PPFIBP1: variants seen among roughly 807,000 people sequenced by gnomAD.
PPFIBP1 encodes the protein liprin-beta-1.
Under a neutral mutation model 137.8 loss-of-function variants are expected in PPFIBP1, and 112 were observed. That is an observed-to-expected ratio of 0.81 (90% CI 0.70 to 0.95). PPFIBP1 has a LOEUF of 0.95. PPFIBP1 is among the 40% of genes least tolerant of loss of function. The pLI is 0.00. For synonymous variants in PPFIBP1, 378 were observed against 417.3 expected, an observed-to-expected ratio of 0.91 and a Z score of 1.15; for missense variants, 1,083 against 1,196.6, an observed-to-expected ratio of 0.91 and a Z score of 1.40.
intron 2 of PPFIBP1, among the ~76,000 whole-genome samples, chr12:27,601,027 A>G (rs2053927367): frequency 6.6e-6 from 1 of 152,150 alleles, no homozygotes; most frequent in Admixed American, 6.5e-5. Flanking sequence ...ATTATTATTA[A>G]CTGTCATCAC....
chr12:27,643,468 C>A lies in PPFIBP1; in HGVS notation c.271-2594C>A, dbSNP rs965568717. ...AGGTTCATGTAGATACTGTCGCTGGCATATAGCAAACAGTGAATTCAAGGA... is the reference window on the plus strand; with the variant it reads ...AGGTTCATGTAGATACTGTCGCTGGAATATAGCAAACAGTGAATTCAAGGA... On this transcript the variant is annotated intron_variant, in intron 4 of 29. Transcript: ENST00000228425. 1.3e-4 allele frequency among the ~76,000 whole-genome samples: 18 copies of A among 134,524 alleles called. 1 individual carries two copies. Among genetic ancestry groups the A allele is most frequent in the Non-Finnish European group, 2.4e-4 (15 of 63,486 alleles). 88.3% of individuals were successfully genotyped at this position (134,524 alleles called of 152,430 possible). A position where few individuals can be genotyped will look rare whatever the true frequency, so the allele number is the denominator to read the frequency against.
chr12:27,630,473 C>A (rs1482425661), intron 2 of PPFIBP1, among the ~76,000 whole-genome samples: 1 of 152,112 alleles, frequency 6.6e-6, no homozygotes, highest in Non-Finnish European at 1.5e-5. Context: ...TATGTTATCT[C>A]ATTTTTCATC....
In PPFIBP1 at chr12:27,676,576, G is replaced by GAAC. The variant is rs776802346; in HGVS notation, c.1561_1563dup (p.Thr521dup). The GAAC allele has an allele frequency of 1.3e-6, 2 of 1,593,692 alleles. No individual in the cohort carries two copies. The highest frequency in any genetic ancestry group is 1.7e-6 in the Non-Finnish European group (2 of 1,169,966). On this transcript the variant is annotated inframe_insertion, in exon 18 of 30. Coordinates refer to ENST00000228425, the MANE Select transcript of PPFIBP1 (RefSeq NM_003622.4). ...TTTTTTAAAATCAAAAGTAACAAGA[G>GAAC]AACAGCAAGTGCACCAAACTTAGGT...
intron 1 of PPFIBP1, among the ~76,000 whole-genome samples, chr12:27,574,563 T>A (rs1272036386): frequency 6.6e-6 from 1 of 152,216 alleles, no homozygotes; most frequent in Non-Finnish European, 1.5e-5. Context: ...GTCTTAAAAG[T>A]CCATGGAAGT....
rs1260487324 is a variant in PPFIBP1 at position 27,679,737 on chromosome 12, T to A, written c.1766+98T>A. The A allele has an allele frequency of 2.1e-6, 3 of 1,446,658 alleles. No homozygotes were observed. The African/African-American group carries it at 4.3e-5, about 21-fold the overall frequency. The allele number at this position is 1,446,658 out of a possible 1,614,324, so 89.6% of individuals were successfully genotyped here. ...GGACTTTGTAAGGCCTTTGTATTCC[T>A]CTTATGGAAGGAAGTTTGGATTGTG... On this transcript the variant is annotated intron_variant, in intron 20 of 29. Coordinates refer to ENST00000228425, the MANE Select transcript of PPFIBP1 (RefSeq NM_003622.4).
At chr12:27,526,705 G>A (rs1429718953) in intron 1 of PPFIBP1, among the ~76,000 whole-genome samples, 2 of 151,980 alleles carry the variant, frequency 1.3e-5, no homozygotes, top group African/African-American at 4.8e-5. Context: ...TGTGGTGGTG[G>A]GCACCTGTAA....
intron 2 of PPFIBP1, chr12:27,592,396 A>G: frequency 1.6e-6 from 1 of 614,050 alleles, no homozygotes; most frequent in Non-Finnish European, 2.8e-6. Context: ...ACTATTGGGG[A>G]TTATCAGTGG....
At chr12:27,555,298 A>G (rs890403313) in intron 1 of PPFIBP1, among the ~76,000 whole-genome samples, 2 of 152,232 alleles carry the variant, frequency 1.3e-5, no homozygotes, top group African/African-American at 2.4e-5. Flanking sequence ...TTGCTGTGGC[A>G]TAGATCATAG....
chr12:27,690,643 G>C (rs1342773935), intron 27 of PPFIBP1, among the ~76,000 whole-genome samples: 1 of 152,140 alleles, frequency 6.6e-6, no homozygotes, highest in African/African-American at 2.4e-5. Flanking sequence ...GCATAATATT[G>C]GCTTCCATAA....
At chr12:27,579,889 G>C (rs1056679529) in intron 2 of PPFIBP1, among the ~76,000 whole-genome samples, 4 of 152,170 alleles carry the variant, frequency 2.6e-5, no homozygotes, top group African/African-American at 9.7e-5. Context: ...TTACTCTTGT[G>C]GGGTGTGGCC....
At chr12:27,525,301 G>T (rs180908812) in intron 1 of PPFIBP1, among the ~76,000 whole-genome samples, 14 of 152,028 alleles carry the variant, frequency 9.2e-5, no homozygotes, top group Admixed American at 4.6e-4. Context: ...ATTGCGGGAG[G>T]AAAAAGATAC....
chr12:27,628,712 T>G (rs1432956806), intron 2 of PPFIBP1, among the ~76,000 whole-genome samples: 1 of 152,350 alleles, frequency 6.6e-6, no homozygotes, highest in Non-Finnish European at 1.5e-5. Context: ...TCATTCATTA[T>G]TTAGTTCTTT....
intron 2 of PPFIBP1, 134 bp from the exon 3 acceptor site, chr12:27,633,228 C>T: frequency 1.6e-6 from 1 of 625,488 alleles, no homozygotes; most frequent in Non-Finnish European, 2.8e-6. Context: ...TTGGCCACAG[C>T]TTGCTACTCC....
At chr12:27,683,897 C>T (rs186441725) in intron 24 of PPFIBP1, among the ~76,000 whole-genome samples, 8,645 of 152,024 alleles carry the variant, frequency 0.057, 784 homozygotes, top group African/African-American at 0.2. Context: ...ATGCCATTCT[C>T]CTGCCTCAGC....
At chr12:27,663,851 AAG>A (rs2059695456) in intron 11 of PPFIBP1, among the ~76,000 whole-genome samples, 1 of 151,944 alleles carries the variant, frequency 6.6e-6, no homozygotes, top group Non-Finnish European at 1.5e-5. Context: ...AAAAAAAAAA[AAG>A]AGAAAAAGGA....
In PPFIBP1 at chr12:27,671,527, G is replaced by T. The variant is rs1284194885; in HGVS notation, c.1243G>T (p.Glu415Ter). 1 of 1,582,302 alleles carries T rather than the reference G, an allele frequency of 6.3e-7. No individual in the cohort carries two copies. Among genetic ancestry groups the T allele is most frequent in the African/African-American group, 1.4e-5 (1 of 72,896 alleles). The change falls in exon 14 of 30, where the codon GAG becomes TAG. Residue 415 changes from glutamate to a stop codon, truncating the protein, a stop_gained. Coordinates refer to ENST00000228425, the MANE Select transcript of PPFIBP1 (RefSeq NM_003622.4). LOFTEE classifies it high-confidence loss of function. ...SEKSKLTPKP[E>*]TSFEENDGNI... ...AAAATCAAAGTTGACTCCTAAGCCA[G>T]AGACTTCATTTGAAGAAAAGTATGT...
At chr12:27,671,355 T>G in intron 13 of PPFIBP1, 76 bp from the exon 14 acceptor site, 1 of 800,520 alleles carries the variant, frequency 1.2e-6, no homozygotes, top group South Asian at 1.9e-5. Flanking sequence ...TTTAATTTTC[T>G]TATGTTTATT....
At position 27,682,583 on chromosome 12, in the gene PPFIBP1, G is replaced by A. The variant is rs1030804232; in HGVS notation, c.2159-32G>A. 2.5e-6 allele frequency: 4 copies of A among 1,611,878 alleles called. No homozygotes were observed. In the East Asian group the frequency reaches 8.9e-5, roughly 36 times the overall value. On this transcript the variant is annotated intron_variant, in intron 23 of 29. Transcript: ENST00000228425. ...TAATCACAAGAACAGATGTTTTGTG[G>A]CATGGTAGCAACACTGGCCTCTCTC...
chr12:27,641,909 G>A (rs915807505), intron 4 of PPFIBP1, among the ~76,000 whole-genome samples: 47 of 151,878 alleles, frequency 3.1e-4, no homozygotes, highest in African/African-American at 1.0e-3. Flanking sequence ...CGTTGTATGG[G>A]AGCTCTGTTT....
Sources: allele counts gnomAD v4.1 joint callset (sites outside exome capture counted in the v4.1 genomes callset), GRCh38; gene constraint gnomAD v4.1.1; transcripts MANE v1.5; gene names NCBI Gene and HGNC (gene_info 2026-07-23, HGNC 2026-07-21).